FRMPD4: variants seen among roughly 807,000 people sequenced by gnomAD.
FRMPD4 encodes FERM and PDZ domain containing 4, also known as FERM and PDZ domain-containing protein 4.
A neutral mutation model predicts 94.1 loss-of-function variants in FRMPD4; 22 were observed. The ratio of observed to expected loss-of-function variants is 0.23; its 90% CI spans 0.17 to 0.33. The LOEUF is 0.33. Ranked by LOEUF, FRMPD4 falls within the 10% of genes least tolerant of loss-of-function variation. The pLI, the probability that FRMPD4 is intolerant of heterozygous loss-of-function variation, is 1.00. For synonymous variants in FRMPD4, 631 were observed against 548.6 expected (o/e 1.15, Z -2.10); for missense variants, 1,111 against 1,339.9 (o/e 0.83, Z 2.67).
chrX:12,121,076 T>C (rs2055449807), intron 3 of FRMPD4, among the ~76,000 whole-genome samples: 1 of 108,945 alleles, frequency 9.2e-6, no homozygotes, highest in South Asian at 3.7e-4. Flanking sequence ...TTGCTATTTA[T>C]AATAATACTA....
At chrX:12,694,195 G>A in intron 8 of FRMPD4, 140 bp from the exon 9 acceptor site, 1 of 456,133 alleles carries the variant, frequency 2.2e-6, no homozygotes. Flanking sequence ...TAGTTTTCAG[G>A]GAATGAGTAT....
chrX:12,440,265 ATATTT>A (rs1184438984), intron 1 of FRMPD4, among the ~76,000 whole-genome samples: 1 of 112,401 alleles, frequency 8.9e-6, no homozygotes, highest in Non-Finnish European at 1.9e-5. Flanking sequence ...TGGGTATTCT[ATATTT>A]TATTTGCAAC....
intron 1 of FRMPD4, among the ~76,000 whole-genome samples, chrX:11,835,535 G>A (rs892071502): frequency 1.8e-5 from 2 of 112,051 alleles, no homozygotes; most frequent in Non-Finnish European, 1.9e-5. Flanking sequence ...GCGTTGGGAT[G>A]AGCAACATTG....
intron 1 of FRMPD4, among the ~76,000 whole-genome samples, chrX:11,863,144 T>C (rs1001459656): frequency 7.3e-5 from 8 of 109,122 alleles, no homozygotes; most frequent in Non-Finnish European, 1.1e-4. Flanking sequence ...TAACATTAGG[T>C]ATATCTCCTA....
At chrX:12,227,525 G>C (rs1327389747) in intron 1 of FRMPD4, among the ~76,000 whole-genome samples, 2 of 111,970 alleles carry the variant, frequency 1.8e-5, no homozygotes, top group Non-Finnish European at 3.8e-5. Flanking sequence ...TTGTGGCCAG[G>C]TGTGGTGGCT....
At chrX:11,849,331 G>T (rs1366629261) in intron 1 of FRMPD4, among the ~76,000 whole-genome samples, 1 of 111,621 alleles carries the variant, frequency 9.0e-6, no homozygotes, top group East Asian at 2.8e-4. Context: ...ATATCATTAA[G>T]ATGTCAATAC....
rs12845062 is a variant in FRMPD4, at chrX:11,846,412, C to T, written c.-160-18674C>T. 7.1e-3 allele frequency among the ~76,000 whole-genome samples: 762 copies of T among 106,910 alleles called. 3 individuals carry two copies. The highest frequency in any genetic ancestry group is 0.016 in the African/African-American group (485 of 29,408). The allele number at this position is 106,910 out of a possible 115,157, so 92.8% of individuals were successfully genotyped here. A position where few individuals can be genotyped will look rare whatever the true frequency, so the allele number is the denominator to read the frequency against. ...AAAGAAATGGAAGAACATTCCATGCCCATGGGTAGGAAGAATCAATATCGT... is the reference window on the plus strand; with the variant it reads ...AAAGAAATGGAAGAACATTCCATGCTCATGGGTAGGAAGAATCAATATCGT... On this transcript the variant is annotated intron_variant, in intron 1 of 18. Coordinates refer to the FRMPD4 transcript ENST00000640291.
chrX:11,850,564 A>G (rs2053615222), intron 1 of FRMPD4, among the ~76,000 whole-genome samples: 1 of 112,682 alleles, frequency 8.9e-6, no homozygotes, highest in Non-Finnish European at 1.9e-5. Flanking sequence ...GTCCATTGCC[A>G]TGTGAACAGA....
At chrX:12,664,801 C>T (rs763986390) in intron 4 of FRMPD4, among the ~76,000 whole-genome samples, 17 of 111,496 alleles carry the variant, frequency 1.5e-4, no homozygotes, top group East Asian at 5.6e-4. Flanking sequence ...TTTGTAACTC[C>T]GATAGAATTT....
chrX:12,439,342 C>T (rs1601944325), intron 1 of FRMPD4, among the ~76,000 whole-genome samples: 1 of 111,636 alleles, frequency 9.0e-6, no homozygotes, highest in South Asian at 3.8e-4. Context: ...CTTCTGCAAA[C>T]ATCCGTGAAA....
At chrX:12,720,230 G>A (rs2042212947) in intron 16 of FRMPD4, among the ~76,000 whole-genome samples, 1 of 111,855 alleles carries the variant, frequency 8.9e-6, no homozygotes, top group Admixed American at 9.5e-5. Flanking sequence ...AGCTTTGATG[G>A]GTAGATATTG....
At chrX:12,636,439 G>T (rs2059444044) in intron 4 of FRMPD4, among the ~76,000 whole-genome samples, 1 of 111,643 alleles carries the variant, frequency 9.0e-6, no homozygotes, top group Non-Finnish European at 1.9e-5. Context: ...AGGAAGCTGT[G>T]CACTTTCATC....
rs988614496 is a variant in FRMPD4 at position 12,561,199 on chromosome X, G to C, written c.159-48522G>C. Among the ~76,000 whole-genome samples the C allele has an allele frequency of 8.9e-5, 10 of 111,818 alleles. No homozygotes were observed. The East Asian group carries it at 1.7e-3, about 19-fold the overall frequency. On this transcript the variant is annotated intron_variant, in intron 2 of 16. Coordinates refer to ENST00000675598, the MANE Select transcript of FRMPD4 (RefSeq NM_001368397.1). ...GTCCAAATGTCTAAACATCTCTCCAGATATTTCCACTTTTTCAATCAATTG... is the reference window on the plus strand; with the variant it reads ...GTCCAAATGTCTAAACATCTCTCCACATATTTCCACTTTTTCAATCAATTG...
intron 1 of FRMPD4, among the ~76,000 whole-genome samples, chrX:12,395,394 T>G (rs1228094448): frequency 8.9e-6 from 1 of 112,416 alleles, no homozygotes; most frequent in East Asian, 2.8e-4. Flanking sequence ...TATGAACTAT[T>G]TTAAGGAGCA....
intron 1 of FRMPD4, among the ~76,000 whole-genome samples, chrX:12,457,785 C>T (rs949814891): frequency 5.4e-5 from 6 of 111,982 alleles, no homozygotes; most frequent in Non-Finnish European, 1.1e-4. Context: ...TTACAGCTAG[C>T]GCTACAAAAT....
At chrX:12,392,537 G>A (rs1402204561) in intron 1 of FRMPD4, among the ~76,000 whole-genome samples, 3 of 108,864 alleles carry the variant, frequency 2.8e-5, no homozygotes, top group East Asian at 3.0e-4. Context: ...CCTGTAGTCC[G>A]GACTACTTGG....
At chrX:12,539,079 G>C (rs1355573337) in intron 2 of FRMPD4, among the ~76,000 whole-genome samples, 2 of 112,200 alleles carry the variant, frequency 1.8e-5, no homozygotes, top group Non-Finnish European at 1.9e-5. Context: ...AACCAATGCA[G>C]AGAAGTCCTT....
chrX:12,319,403 T>A (rs1047731226), intron 1 of FRMPD4, among the ~76,000 whole-genome samples: 2 of 112,094 alleles, frequency 1.8e-5, no homozygotes, highest in African/African-American at 6.5e-5. Flanking sequence ...GGGATTCTGA[T>A]GTAATTAGTA....
intron 1 of FRMPD4, among the ~76,000 whole-genome samples, chrX:12,378,087 G>A (rs959959618): frequency 8.9e-6 from 1 of 112,149 alleles, no homozygotes; most frequent in Non-Finnish European, 1.9e-5. Context: ...CGATGGGGGC[G>A]ACTGATGCTT....
Sources: gnomAD v4.1 joint callset for allele counts (sites outside exome capture counted in the v4.1 genomes callset) on GRCh38, gnomAD v4.1.1 for gene constraint, MANE v1.5 for transcripts, NCBI Gene and HGNC (gene_info 2026-07-23, HGNC 2026-07-21) for gene names.